SND1: variants seen among roughly 807,000 people sequenced by gnomAD.
SND1 encodes the protein staphylococcal nuclease domain-containing protein 1.
SND1 carries 38 observed loss-of-function variants against 121.7 expected under a neutral mutation model. The ratio of observed to expected loss-of-function variants is 0.31; its 90% confidence interval spans 0.24 to 0.41. SND1 has a LOEUF of 0.41. SND1 is among the 10% of genes least tolerant of loss of function. The pLI is 1.00. For synonymous variants in SND1, 401 were observed against 447.4 expected, an observed-to-expected ratio of 0.90 and a Z score of 1.31; for missense variants, 868 against 1,184.6, an observed-to-expected ratio of 0.73 and a Z score of 3.92.
chr7:127,797,314 T>C (rs1314227446), intron 10 of SND1, among the ~76,000 whole-genome samples: 1 of 152,246 alleles, frequency 6.6e-6, no homozygotes, highest in Non-Finnish European at 1.5e-5. Flanking sequence ...TGCCTGCTAC[T>C]CTTGGCCATT....
chr7:127,989,792 C>T (rs1802480713), intron 15 of SND1, among the ~76,000 whole-genome samples: 1 of 152,114 alleles, frequency 6.6e-6, no homozygotes, highest in Non-Finnish European at 1.5e-5. Context: ...AATTATATAG[C>T]GTCATAATTA....
At chr7:127,949,199 C>T (rs1354690982) in intron 15 of SND1, 2 of 152,212 alleles carry the variant, frequency 1.3e-5, no homozygotes, top group African/African-American at 2.4e-5. Context: ...AAGCCCTGTT[C>T]GCTCTTAAAT....
chr7:127,968,851 A>G (rs1584703382), intron 15 of SND1, among the ~76,000 whole-genome samples: 1 of 152,270 alleles, frequency 6.6e-6, no homozygotes, highest in East Asian at 1.9e-4. Context: ...CAGGGCACAT[A>G]TAGTTTGTTT....
intron 10 of SND1, among the ~76,000 whole-genome samples, chr7:127,762,364 C>G (rs1797320080): frequency 6.6e-6 from 1 of 152,192 alleles, no homozygotes; most frequent in Non-Finnish European, 1.5e-5. Context: ...TGAGACCTCT[C>G]TTATTGGTTT....
At chr7:127,823,219 C>G (rs1207301373) in intron 11 of SND1, among the ~76,000 whole-genome samples, 4 of 152,126 alleles carry the variant, frequency 2.6e-5, no homozygotes, top group African/African-American at 7.2e-5. Flanking sequence ...CCTTAAACCC[C>G]CACACCTCCT....
chr7:128,010,867 C>T (rs928913787), intron 16 of SND1, among the ~76,000 whole-genome samples: 7 of 152,222 alleles, frequency 4.6e-5, no homozygotes, highest in Non-Finnish European at 1.0e-4. Flanking sequence ...CCCCCCAGAG[C>T]CCCTGTGGAG....
chr7:127,806,435 A>C (rs1219003984), intron 10 of SND1, among the ~76,000 whole-genome samples: 1 of 152,226 alleles, frequency 6.6e-6, no homozygotes, highest in Non-Finnish European at 1.5e-5. Context: ...CTATGAGATA[A>C]TGAAGTAAGT....
intron 16 of SND1, among the ~76,000 whole-genome samples, chr7:127,992,863 T>G (rs1483233370): frequency 2.4e-4 from 37 of 152,222 alleles, no homozygotes; most frequent in Admixed American, 2.4e-3. Context: ...TACCTTTGTC[T>G]TATATTTGCT....
At chr7:127,947,775 A>G (rs1017721813) in intron 15 of SND1, among the ~76,000 whole-genome samples, 3 of 152,104 alleles carry the variant, frequency 2.0e-5, no homozygotes, top group Non-Finnish European at 2.9e-5. Flanking sequence ...AATGAATACT[A>G]TGTTGGTATG....
At chr7:127,832,525 G>A (rs1798779255) in intron 11 of SND1, among the ~76,000 whole-genome samples, 1 of 152,206 alleles carries the variant, frequency 6.6e-6, no homozygotes, top group African/African-American at 2.4e-5. Context: ...ATCTGCACGT[G>A]ATAGATCTCT....
chr7:127,956,406 G>A (rs1240490304), intron 15 of SND1, among the ~76,000 whole-genome samples: 1 of 152,128 alleles, frequency 6.6e-6, no homozygotes, highest in Non-Finnish European at 1.5e-5. Context: ...TGAGGAGGTG[G>A]TACACTTGGA....
chr7:127,916,022 G>A (rs909368345), intron 14 of SND1, among the ~76,000 whole-genome samples: 1 of 145,236 alleles, frequency 6.9e-6, no homozygotes, highest in Non-Finnish European at 1.5e-5. Context: ...GTGTGTGTGT[G>A]TGTGTGTGTG....
Position 128,030,922 on chromosome 7 carries a change from A to C in SND1, c.1779+39866A>C, listed in dbSNP as rs952032293. 21 of 336,746 alleles carry C rather than the reference A, an allele frequency of 6.2e-5. No individual in the cohort carries two copies. In the East Asian group the frequency reaches 7.3e-4, roughly 12 times the overall value. 20.9% of individuals were successfully genotyped at this position (336,746 alleles called of 1,614,324 possible). Reference sequence around the variant, plus strand: ...GTTCGCCGTCACCTACCTCGGAAGGAAGGCAGGAAAGCACTGGCGTGGTGT... The same window carrying C: ...GTTCGCCGTCACCTACCTCGGAAGGCAGGCAGGAAAGCACTGGCGTGGTGT... On this transcript the variant is annotated intron_variant, in intron 16 of 23. Coordinates refer to ENST00000354725, the MANE Select transcript of SND1 (RefSeq NM_014390.4).
intron 10 of SND1, among the ~76,000 whole-genome samples, chr7:127,791,663 A>G (rs1371270520): frequency 2.0e-5 from 3 of 152,152 alleles, no homozygotes; most frequent in African/African-American, 7.2e-5. Flanking sequence ...ACCCAGCTCC[A>G]CTTATTTTTG....
At chr7:128,042,440 G>A (rs1013546675) in intron 16 of SND1, 3 of 152,310 alleles carry the variant, frequency 2.0e-5, no homozygotes, top group Admixed American at 6.5e-5. Context: ...CATTCAAGGT[G>A]GTGCCCGTGT....
intron 16 of SND1, among the ~76,000 whole-genome samples, chr7:128,054,367 C>T (rs1335744832): frequency 6.6e-6 from 1 of 152,178 alleles, no homozygotes; most frequent in Non-Finnish European, 1.5e-5. Context: ...TTGGCTGTAC[C>T]ATATCTATGG....
At chr7:127,817,885 GCAA>G (rs1798476656) in intron 11 of SND1, among the ~76,000 whole-genome samples, 1 of 151,882 alleles carries the variant, frequency 6.6e-6, no homozygotes, top group African/African-American at 2.4e-5. Context: ...CCCCTATAGG[GCAA>G]AGAGCCTCTC....
At chr7:127,957,295 A>G (rs932027362) in intron 15 of SND1, among the ~76,000 whole-genome samples, 11 of 152,186 alleles carry the variant, frequency 7.2e-5, no homozygotes, top group African/African-American at 2.7e-4. Context: ...TTCACTAACT[A>G]GTGTCCTCTC....
chr7:127,907,828 C>T (rs578175103), intron 14 of SND1, among the ~76,000 whole-genome samples: 2 of 152,296 alleles, frequency 1.3e-5, no homozygotes, highest in South Asian at 4.1e-4. Flanking sequence ...ATGATCTCTT[C>T]TCTTGCTGTT....
Sources: gnomAD v4.1 joint callset for allele counts (sites outside exome capture counted in the v4.1 genomes callset) on GRCh38, gnomAD v4.1.1 for gene constraint, MANE v1.5 for transcripts, NCBI Gene and HGNC (gene_info 2026-07-23, HGNC 2026-07-21) for gene names.